The following FAM3B variants were observed in gnomAD, a reference collection of about 807,000 sequenced individuals.
The protein encoded by FAM3B is FAM3 metabolism regulating signaling molecule B, also known as protein FAM3B.
A neutral mutation model predicts 28.4 loss-of-function variants in FAM3B; 29 were observed. That is an observed-to-expected ratio of 1.02 (90% CI 0.76 to 1.39). The LOEUF is 1.39. FAM3B is among the 40% of genes most tolerant of loss of function. The pLI is 0.00. For missense variants in FAM3B, 266 were observed against 293.9 expected (o/e 0.91, Z 0.69); for synonymous variants, 91 against 103.0 (o/e 0.88, Z 0.71).
Position 41,357,354 on chromosome 21 carries a change from C to G in FAM3B, c.*157C>G, listed in dbSNP as rs751996745. 1 of 443,698 alleles carries G rather than the reference C, an allele frequency of 2.3e-6. No individual in the cohort carries two copies. The highest frequency in any genetic ancestry group is 4.1e-6 in the Non-Finnish European group (1 of 241,744). 27.5% of individuals were successfully genotyped at this position (443,698 alleles called of 1,614,324 possible). On this transcript the variant is annotated 3_prime_UTR_variant, in exon 8 of 8. Transcript: ENST00000357985. ...TTGCTAGTTGTATCAAATCTTGGTACGCAGTATTTTTATACCAGTATTTTA... is the reference window on the plus strand; with the variant it reads ...TTGCTAGTTGTATCAAATCTTGGTAGGCAGTATTTTTATACCAGTATTTTA...
At chr21:41,344,438 G>A (rs753338007) in intron 3 of FAM3B, 38 bp from the exon 4 acceptor site, 43 of 1,595,272 alleles carry the variant, frequency 2.7e-5, no homozygotes, top group Middle Eastern at 1.7e-4. Flanking sequence ...AGAGTCGCAC[G>A]CCTCTTGGTA....
intron 7 of FAM3B, among the ~76,000 whole-genome samples, chr21:41,349,909 GTTTC>G (rs2089100981): frequency 1.3e-5 from 2 of 152,244 alleles, no homozygotes; most frequent in Non-Finnish European, 2.9e-5. Context: ...TGTAGGGAAT[GTTTC>G]CCGGGGCCCT....
At chr21:41,341,817 G>T (rs191686318) in intron 3 of FAM3B, among the ~76,000 whole-genome samples, 3 of 152,186 alleles carry the variant, frequency 2.0e-5, no homozygotes, top group Admixed American at 6.5e-5. Context: ...ATACATTTTT[G>T]TTGAGTGTTT....
At chr21:41,322,277 A>G (rs1353346570) in intron 1 of FAM3B, among the ~76,000 whole-genome samples, 2 of 152,180 alleles carry the variant, frequency 1.3e-5, no homozygotes, top group East Asian at 1.9e-4. Context: ...GAAGTAAGAT[A>G]TTGTTGCCAA....
intron 2 of FAM3B, among the ~76,000 whole-genome samples, chr21:41,335,258 A>G (rs980866338): frequency 6.6e-6 from 1 of 152,174 alleles, no homozygotes; most frequent in East Asian, 1.9e-4. Flanking sequence ...GTATTTTGCA[A>G]TGTGAGAAGG....
rs193058716 is a variant in FAM3B, at chr21:41,343,351, T to C, written c.288-1125T>C. On this transcript the variant is annotated intron_variant, in intron 3 of 7. Transcript: ENST00000357985. ...ATTCTTAACTACCTTATTTGGTCTC[T>C]AACGTATACAACCAGATCTTTAACA... Among the ~76,000 whole-genome samples, 42 of 152,362 alleles carry C rather than the reference T, an allele frequency of 2.8e-4. 1 individual carries two copies. The East Asian group carries it at 4.8e-3, about 17-fold the overall frequency.
chr21:41,324,139 T>C (rs1474076750), intron 2 of FAM3B, among the ~76,000 whole-genome samples: 1 of 152,114 alleles, frequency 6.6e-6, no homozygotes, highest in Non-Finnish European at 1.5e-5. Flanking sequence ...TTCCAACATA[T>C]GAATTTCAGG....
intron 2 of FAM3B, among the ~76,000 whole-genome samples, chr21:41,336,770 A>G (rs1221219937): frequency 1.4e-5 from 2 of 145,680 alleles, no homozygotes; most frequent in East Asian, 3.9e-4. Flanking sequence ...GTGCATACAT[A>G]CACACACACA....
At chr21:41,329,510 A>T (rs964366635) in intron 2 of FAM3B, among the ~76,000 whole-genome samples, 1 of 152,004 alleles carries the variant, frequency 6.6e-6, no homozygotes, top group Non-Finnish European at 1.5e-5. Context: ...ACAGAGCAAG[A>T]GTAGAGGTGC....
chr21:41,309,544 C>A (rs532942430), intron 1 of FAM3B, among the ~76,000 whole-genome samples: 39 of 152,380 alleles, frequency 2.6e-4, no homozygotes, highest in African/African-American at 8.9e-4. Context: ...ATCAAACCAT[C>A]TAAAACTTTG....
intron 1 of FAM3B, among the ~76,000 whole-genome samples, chr21:41,311,412 AT>A (rs1438788210): frequency 6.7e-6 from 1 of 148,660 alleles, no homozygotes; most frequent in Non-Finnish European, 1.5e-5. Context: ...GCAGTGAGCT[AT>A]GATCATGTCA....
chr21:41,353,178 A>T (rs1235711137), intron 7 of FAM3B, among the ~76,000 whole-genome samples: 1 of 152,246 alleles, frequency 6.6e-6, no homozygotes, highest in Non-Finnish European at 1.5e-5. Context: ...TTAAAAAAAG[A>T]TATTCCATGT....
In FAM3B at chr21:41,344,473, C is replaced by T. The variant is rs776628266; in HGVS notation, c.288-3C>T. ...ACTTGACTAATGCTTAGCTCCATTT[C>T]AGACTTATGGGAGAACAGCTGGGAA... On this transcript the variant is annotated splice_polypyrimidine_tract_variant and splice_region_variant and intron_variant, in intron 3 of 7. Transcript: ENST00000357985. 6.2e-7 allele frequency: 1 copy of T among 1,613,966 alleles called. No individual in the cohort carries two copies. The highest frequency in any genetic ancestry group is 8.5e-7 in the Non-Finnish European group (1 of 1,179,792).
intron 1 of FAM3B, among the ~76,000 whole-genome samples, chr21:41,317,428 A>G (rs762066505): frequency 1.3e-5 from 2 of 152,182 alleles, no homozygotes; most frequent in Non-Finnish European, 2.9e-5. Context: ...AAAATAGGAA[A>G]AAGGAAAGGA....
chr21:41,324,307 G>A (rs2088836526), intron 2 of FAM3B, among the ~76,000 whole-genome samples: 1 of 152,208 alleles, frequency 6.6e-6, no homozygotes, highest in Non-Finnish European at 1.5e-5. Flanking sequence ...AGCATCTCTT[G>A]AAACAGTAGA....
intron 3 of FAM3B, among the ~76,000 whole-genome samples, chr21:41,340,217 C>T (rs2145820351): frequency 6.6e-6 from 1 of 150,774 alleles, no homozygotes; most frequent in Non-Finnish European, 1.5e-5. Context: ...GCAGTGGCGC[C>T]ATCTCGGCTC....
chr21:41,341,326 T>C (rs925185324), intron 3 of FAM3B, among the ~76,000 whole-genome samples: 1 of 152,244 alleles, frequency 6.6e-6, no homozygotes, highest in African/African-American at 2.4e-5. Flanking sequence ...TATGAATATA[T>C]CATTTTGTAA....
intron 2 of FAM3B, among the ~76,000 whole-genome samples, chr21:41,325,570 C>T (rs1230107837): frequency 6.6e-6 from 1 of 152,186 alleles, no homozygotes; most frequent in African/African-American, 2.4e-5. Context: ...AAATTCAAAG[C>T]TCCCTAGGTC....
chr21:41,317,555 C>CCAGA (rs2123690419), intron 1 of FAM3B, among the ~76,000 whole-genome samples: 1 of 152,258 alleles, frequency 6.6e-6, no homozygotes, highest in East Asian at 1.9e-4. Context: ...ACTGCCCTGG[C>CCAGA]CTCTGTCACA....
Sources: allele counts gnomAD v4.1 joint callset (sites outside exome capture counted in the v4.1 genomes callset), GRCh38; gene constraint gnomAD v4.1.1; transcripts MANE v1.5; gene names NCBI Gene and HGNC (gene_info 2026-07-23, HGNC 2026-07-21).